Variants in TMEM132D observed in about 807,000 individuals in gnomAD.
The protein encoded by TMEM132D is transmembrane protein 132D, also known as mature OL transmembrane protein.
TMEM132D carries 21 observed loss-of-function variants against 62.3 expected under a neutral mutation model. The observed-to-expected ratio is 0.34, with a 90% CI of 0.24 to 0.49. The LOEUF (loss-of-function observed/expected upper bound fraction) is 0.49. Among genes scored for constraint, TMEM132D ranks in the 20% least tolerant of loss-of-function variants. The pLI, the probability that TMEM132D is intolerant of heterozygous loss-of-function variation, is 0.99. For missense variants in TMEM132D, 1,346 were observed against 1,402.8 expected, an observed-to-expected ratio of 0.96 and a Z score of 0.65; for synonymous variants, 621 against 575.6, an observed-to-expected ratio of 1.08 and a Z score of -1.13.
intron 4 of TMEM132D, among the ~76,000 whole-genome samples, chr12:129,297,123 C>T (rs1881598273): frequency 6.6e-6 from 1 of 152,154 alleles, no homozygotes; most frequent in African/African-American, 2.4e-5. Flanking sequence ...CAGGGAGACC[C>T]CCGTCTTTAG....
chr12:129,101,284 C>T (rs896695105), intron 5 of TMEM132D, among the ~76,000 whole-genome samples: 1 of 152,190 alleles, frequency 6.6e-6, no homozygotes. Context: ...GAGCATTTGT[C>T]GATTTGCCAA....
intron 4 of TMEM132D, among the ~76,000 whole-genome samples, chr12:129,320,973 TCTAC>T (rs764957409): frequency 1.3e-3 from 192 of 152,238 alleles, no homozygotes; most frequent in African/African-American, 1.7e-3. Context: ...AATCTATCTA[TCTAC>T]CTACCTACCT....
At chr12:129,640,190 T>C (rs1879606716) in intron 2 of TMEM132D, among the ~76,000 whole-genome samples, 1 of 152,186 alleles carries the variant, frequency 6.6e-6, no homozygotes, top group Non-Finnish European at 1.5e-5. Context: ...TGCACCCTTT[T>C]TCTGGAAAGA....
chr12:129,324,769 A>G (rs1034533689), intron 4 of TMEM132D, among the ~76,000 whole-genome samples: 2 of 152,160 alleles, frequency 1.3e-5, no homozygotes, highest in African/African-American at 4.8e-5. Flanking sequence ...CAGAGGTTGC[A>G]GTGAGCCGAG....
chr12:129,356,702 T>TA (rs1175940167), intron 3 of TMEM132D, among the ~76,000 whole-genome samples: 7 of 132,950 alleles, frequency 5.3e-5, no homozygotes, highest in Admixed American at 3.0e-4. Context: ...ATAAATAAAA[T>TA]AAAAATACAA....
intron 2 of TMEM132D, among the ~76,000 whole-genome samples, chr12:129,559,327 C>T (rs1317672070): frequency 6.6e-6 from 1 of 152,220 alleles, no homozygotes; most frequent in Non-Finnish European, 1.5e-5. Context: ...AAACTATTTA[C>T]ATCCATATAT....
intron 5 of TMEM132D, among the ~76,000 whole-genome samples, chr12:129,182,680 AAGT>A (rs1878100939): frequency 6.6e-6 from 1 of 152,230 alleles, no homozygotes; most frequent in Non-Finnish European, 1.5e-5. Context: ...AATCTCATCT[AAGT>A]ACACATCTTC....
At chr12:129,473,633 G>A (rs1258928993) in intron 3 of TMEM132D, among the ~76,000 whole-genome samples, 1 of 152,070 alleles carries the variant, frequency 6.6e-6, no homozygotes, top group Non-Finnish European at 1.5e-5. Flanking sequence ...ACCTGGCCTG[G>A]TTTTAGTTAT....
chr12:129,232,465 T>C (rs1406429031), intron 4 of TMEM132D, among the ~76,000 whole-genome samples: 1 of 152,196 alleles, frequency 6.6e-6, no homozygotes, highest in African/African-American at 2.4e-5. Flanking sequence ...GAAAGCACCA[T>C]GCTAGCTCTG....
At chr12:129,845,397 A>G (rs1002760028) in intron 1 of TMEM132D, among the ~76,000 whole-genome samples, 4 of 152,186 alleles carry the variant, frequency 2.6e-5, no homozygotes, top group Admixed American at 6.5e-5. Flanking sequence ...CATGTTTTAC[A>G]TTAGTCAGAA....
rs1881345187 is a variant in TMEM132D, at chr12:129,700,086, T to A, written c.692A>T (p.His231Leu). The A allele has an allele frequency of 3.7e-6, 6 of 1,613,612 alleles. No individual in the cohort carries two copies. The highest frequency in any genetic ancestry group is 4.2e-6 in the Non-Finnish European group (5 of 1,180,020). Residue 231 changes from histidine (H) to leucine (L), a missense_variant, in exon 2 of 9, where the codon CAC becomes CTC. Transcript: ENST00000422113. ...GCAGTCCCCTCTCTCACCCCCTGGG[T>A]GCACGGTGTAGTAGAGCTCCACGGG... ...GTPVELYYTV[H>L]PGGERGDCVR...
At chr12:129,851,072 T>G (rs1181999707) in intron 1 of TMEM132D, among the ~76,000 whole-genome samples, 2 of 152,218 alleles carry the variant, frequency 1.3e-5, no homozygotes, top group Non-Finnish European at 2.9e-5. Context: ...TCAATATTCA[T>G]GCAAATATTA....
chr12:129,206,965 G>A (rs547162539), intron 5 of TMEM132D, among the ~76,000 whole-genome samples: 1 of 152,238 alleles, frequency 6.6e-6, no homozygotes, highest in Admixed American at 6.5e-5. Flanking sequence ...AGGGTGGGAA[G>A]GGGAGAGGAT....
At chr12:129,215,856 G>A (rs117708986) in intron 4 of TMEM132D, among the ~76,000 whole-genome samples, 12 of 152,212 alleles carry the variant, frequency 7.9e-5, no homozygotes, top group Non-Finnish European at 1.8e-4. Flanking sequence ...GTGGGGCAAA[G>A]AGAGAAGGAG....
chr12:129,340,670 G>C (rs1364478987), intron 3 of TMEM132D, among the ~76,000 whole-genome samples: 1 of 152,118 alleles, frequency 6.6e-6, no homozygotes, highest in African/African-American at 2.4e-5. Flanking sequence ...GTATTCCATG[G>C]TGTATATGTG....
intron 2 of TMEM132D, among the ~76,000 whole-genome samples, chr12:129,568,129 C>G (rs1451145266): frequency 6.6e-6 from 1 of 152,230 alleles, no homozygotes; most frequent in Non-Finnish European, 1.5e-5. Flanking sequence ...CAGGAACAGT[C>G]TGAGGATACA....
At chr12:129,525,218 C>T (rs1218467093) in intron 3 of TMEM132D, among the ~76,000 whole-genome samples, 1 of 131,106 alleles carries the variant, frequency 7.6e-6, no homozygotes, top group Middle Eastern at 4.4e-3. Context: ...AGCCACGGTG[C>T]CCAGCCGGTT....
At chr12:129,528,732 T>C (rs1876129033) in intron 3 of TMEM132D, among the ~76,000 whole-genome samples, 1 of 152,250 alleles carries the variant, frequency 6.6e-6, no homozygotes, top group Non-Finnish European at 1.5e-5. Context: ...TATGGCCTAA[T>C]TCTAGAACAA....
At position 129,537,158 on chromosome 12, in the gene TMEM132D, T is replaced by TTAAAAAAAAAA. The variant is rs551400531; in HGVS notation, c.969-5954_969-5953insTTTTTTTTTTA. On this transcript the variant is annotated intron_variant, in intron 2 of 8. Coordinates refer to ENST00000422113, the MANE Select transcript of TMEM132D (RefSeq NM_133448.3). ...CTGGGTGACAGAGTGAAACTCTGTC[T>TTAAAAAAAAAA]AAAAAAAAAAAAAAAATTCATATGC... is the stretch of plus-strand genomic sequence containing the variant. 2.6e-5 allele frequency among the ~76,000 whole-genome samples: 3 copies of TTAAAAAAAAAA among 114,354 alleles called. No homozygotes were observed. In the Admixed American group the frequency reaches 2.8e-4, roughly 11 times the overall value. The allele number at this position is 114,354 out of a possible 152,430, so 75.0% of individuals were successfully genotyped here. A position where few individuals can be genotyped will look rare whatever the true frequency, so the allele number is the denominator to read the frequency against.
Sources: gnomAD v4.1 joint callset for allele counts (sites outside exome capture counted in the v4.1 genomes callset) on GRCh38, gnomAD v4.1.1 for gene constraint, MANE v1.5 for transcripts, NCBI Gene and HGNC (gene_info 2026-07-23, HGNC 2026-07-21) for gene names.